Variants in CHIT1 observed in about 807,000 individuals in gnomAD.
CHIT1 encodes the protein chitotriosidase-1.
Under a neutral mutation model 52.0 loss-of-function variants are expected in CHIT1, and 47 were observed. That is an observed-to-expected ratio of 0.90 (90% CI 0.71 to 1.15). The LOEUF (loss-of-function observed/expected upper bound fraction) is 1.15, where lower values mean the gene tolerates loss of function less well. Among genes scored for constraint, CHIT1 ranks in the 50% most tolerant of loss-of-function variants. The pLI, the probability that CHIT1 is intolerant of heterozygous loss-of-function variation, is 0.00. For missense variants in CHIT1, 569 were observed against 583.0 expected (o/e 0.98, Z 0.25); for synonymous variants, 242 against 228.2 (o/e 1.06, Z -0.54).
At chr1:203,218,957 T>A (rs547228113) in intron 9 of CHIT1, among the ~76,000 whole-genome samples, 59 of 152,368 alleles carry the variant, frequency 3.9e-4, no homozygotes, top group African/African-American at 1.4e-3. Context: ...CCTCTTCATA[T>A]GTCTGTAGAA....
intron 2 of CHIT1, among the ~76,000 whole-genome samples, chr1:203,227,457 A>G (rs1297918342): frequency 6.6e-6 from 1 of 152,212 alleles, no homozygotes; most frequent in Non-Finnish European, 1.5e-5. Context: ...CTATGGAGAA[A>G]ATAAAGTGCA....
chr1:203,228,808 C>T (rs1657029836), intron 1 of CHIT1, among the ~76,000 whole-genome samples: 2 of 152,180 alleles, frequency 1.3e-5, no homozygotes, highest in Admixed American at 6.5e-5. Flanking sequence ...CTGAGGCTGC[C>T]CCCTCTCTAT....
At position 203,219,346 on chromosome 1, in the gene CHIT1, CA is replaced by C; in HGVS notation, c.916-18del. 6 of 1,427,052 alleles carry C rather than the reference CA, an allele frequency of 4.2e-6. No individual in the cohort carries two copies. Among genetic ancestry groups the C allele is most frequent in the Non-Finnish European group, 5.9e-6 (6 of 1,009,088 alleles). 88.4% of individuals were successfully genotyped at this position (1,427,052 alleles called of 1,614,324 possible). A position where few individuals can be genotyped will look rare whatever the true frequency, so the allele number is the denominator to read the frequency against. On this transcript the variant is annotated intron_variant, in intron 8 of 10. Transcript: ENST00000367229. ...GGAGCAGACCTGTGGGAGCAGAAGGCAGCACTGGGGAGGAGGAGGGAGGCTC... is the reference window on the plus strand; with the variant it reads ...GGAGCAGACCTGTGGGAGCAGAAGGCGCACTGGGGAGGAGGAGGGAGGCTC...
intron 7 of CHIT1, among the ~76,000 whole-genome samples, chr1:203,220,102 A>T (rs1197391262): frequency 6.6e-6 from 1 of 152,096 alleles, no homozygotes; most frequent in Non-Finnish European, 1.5e-5. Context: ...CACTGAACAA[A>T]TGTGTACTGA....
Position 203,225,726 on chromosome 1 carries a change from C to A in CHIT1, c.200G>T (p.Ser67Ile), listed in dbSNP as rs555489365. The A allele has an allele frequency of 2.1e-4, 334 of 1,614,180 alleles. 1 individual carries two copies. In the South Asian group the frequency reaches 3.4e-3, roughly 17 times the overall value. ...AFAGMTNHQL[S>I]TTEWNDETLY... is the part of the protein sequence containing the mutation. ...AGTCTCGTCATTCCACTCAGTGGTG[C>A]TCAGCTGGTGGTTGGTCATGCCAGC... The change falls in exon 3 of 11, where the codon AGC becomes ATC. Residue 67 changes from serine (S) to isoleucine (I), a missense_variant. Ser to Ile is a moderately radical substitution (Grantham distance 142). Coordinates refer to ENST00000367229, the MANE Select transcript of CHIT1 (RefSeq NM_003465.3).
chr1:203,226,000 A>C lies in CHIT1; in HGVS notation c.56-130T>G. ...CACCTGGAGTCAGTGGAGGGACCCG[A>C]CAGGCAGAAATGGCATTTGCTTTTG... is the stretch of plus-strand genomic sequence containing the variant. On this transcript the variant is annotated intron_variant, in intron 2 of 10. Coordinates refer to ENST00000367229, the MANE Select transcript of CHIT1 (RefSeq NM_003465.3). 6.1e-6 allele frequency: 6 copies of C among 983,704 alleles called. No individual in the cohort carries two copies. The South Asian group carries it at 8.4e-5, about 14-fold the overall frequency. 60.9% of individuals were successfully genotyped at this position (983,704 alleles called of 1,614,324 possible). A position where few individuals can be genotyped will look rare whatever the true frequency, so the allele number is the denominator to read the frequency against.
intron 6 of CHIT1, 115 bp downstream of exon 6, chr1:203,223,020 G>C: frequency 2.9e-6 from 4 of 1,398,144 alleles, no homozygotes; most frequent in African/African-American, 1.4e-5. Context: ...GTAAGGATGG[G>C]ACTTTCCAAA....
rs777287951 is a variant in CHIT1, at chr1:203,223,197, A to C, written c.543T>G (p.Ser181Arg). 3.2e-5 allele frequency: 52 copies of C among 1,614,044 alleles called. 1 individual carries two copies. The highest frequency in any genetic ancestry group is 2.7e-4 in the East Asian group (12 of 44,894). The change falls in exon 6 of 11, where the codon AGT (serine) becomes AGG (arginine). Residue 181 changes from serine (S) to arginine (R), a missense_variant. Physicochemically the swap from Ser to Arg is moderately radical, Grantham distance 110. Transcript: ENST00000367229. ...AGGTCTGCCCAGCTGGAACCGCTGC[A>C]CTCAGAAGAAGGCGTTCCTTCCCTG... The part of the protein sequence containing the change: ...QTSGKERLLL[S>R]AAVPAGQTYV...
chr1:203,217,029 G>A lies in CHIT1; in HGVS notation c.1261C>T (p.Gln421Ter). The A allele has an allele frequency of 6.2e-7, 1 of 1,614,136 alleles. No homozygotes were observed. Among genetic ancestry groups the A allele is most frequent in the Non-Finnish European group, 8.5e-7 (1 of 1,180,048 alleles). The change falls in exon 11 of 11, where the codon CAG becomes TAG. Residue 421 changes from glutamine to a stop codon, truncating the protein, a stop_gained. Transcript: ENST00000367229. LOFTEE classifies it low-confidence loss of function (END_TRUNC). ...GPSPGQDTFC[Q>*]GKADGLYPNP... ...GGATAGAGCCCATCAGCTTTGCCCT[G>A]GCAGAACGTGTCTTGTCCAGGGCTG...
chr1:203,222,768 C>T (rs998569282), intron 6 of CHIT1, among the ~76,000 whole-genome samples: 1 of 152,136 alleles, frequency 6.6e-6, no homozygotes, highest in Non-Finnish European at 1.5e-5. Context: ...ATGAGGGCTG[C>T]GAGTCCACAT....
chr1:203,220,657 A>G (rs575339198), intron 7 of CHIT1, among the ~76,000 whole-genome samples: 1 of 152,254 alleles, frequency 6.6e-6, no homozygotes, highest in South Asian at 2.1e-4. Context: ...AGGTCTAGTT[A>G]CTCTGAGCCC....
At position 203,228,188 on chromosome 1, in the gene CHIT1, C is replaced by G. The variant is rs1011152022; in HGVS notation, c.55+345G>C. Among the ~76,000 whole-genome samples, 15 of 152,268 alleles carry G rather than the reference C, an allele frequency of 9.9e-5. 1 individual carries two copies. The South Asian group carries it at 3.1e-3, about 32-fold the overall frequency. ...GTCTGAGACTGGTGCAGAGAGACAC[C>G]TAAGCCAATAATGAGAGGCAGTACT... On this transcript the variant is annotated intron_variant, in intron 2 of 10. Coordinates refer to ENST00000367229, the MANE Select transcript of CHIT1 (RefSeq NM_003465.3).
intron 6 of CHIT1, 41 bp downstream of exon 6, chr1:203,223,094 C>G: frequency 1.9e-6 from 3 of 1,613,020 alleles, no homozygotes; most frequent in Non-Finnish European, 2.5e-6. Context: ...GCCTCTCTTC[C>G]CTCAGAGAGC....
chr1:203,216,381 C>T lies in CHIT1; in HGVS notation c.*508G>A, dbSNP rs566193532. On this transcript the variant is annotated 3_prime_UTR_variant, in exon 11 of 11. Transcript: ENST00000367229. ...ATCAGGGAAAAGTTCTTCTCTGCTG[C>T]CATCTAGTGGCATTTTGGGAATAAC... The T allele has an allele frequency of 4.4e-6, 2 of 454,026 alleles. No homozygotes were observed. The highest frequency in any genetic ancestry group is 4.0e-5 in the African/African-American group (2 of 50,002). The allele number at this position is 454,026 out of a possible 1,614,324, so 28.1% of individuals were successfully genotyped here.
At chr1:203,225,962 C>T (rs1332877934) in intron 2 of CHIT1, 92 bp from the exon 3 acceptor site, 2 of 1,341,198 alleles carry the variant, frequency 1.5e-6, no homozygotes, top group Admixed American at 1.9e-5. Flanking sequence ...TGTCCTTGGA[C>T]CTCCCTCTTC....
At chr1:203,218,636 C>T (rs1465226014) in intron 9 of CHIT1, among the ~76,000 whole-genome samples, 1 of 152,148 alleles carries the variant, frequency 6.6e-6, no homozygotes, top group Non-Finnish European at 1.5e-5. Flanking sequence ...ATCTGAAATA[C>T]CCTTCCACCG....
rs116602841 is a variant in CHIT1, at chr1:203,218,164, C to T, written c.1030-299G>A. 1,680 of 1,356,050 alleles carry T rather than the reference C, an allele frequency of 1.2e-3. 23 individuals are homozygous for T. In the African/African-American group the frequency reaches 0.022, roughly 18 times the overall value. The allele number at this position is 1,356,050 out of a possible 1,614,324, so 84.0% of individuals were successfully genotyped here. On this transcript the variant is annotated intron_variant, in intron 9 of 10. Coordinates refer to ENST00000367229, the MANE Select transcript of CHIT1 (RefSeq NM_003465.3). The stretch of plus-strand genomic sequence containing the variant: ...ACCTCCCTAAGTGGGAACCCTTCAC[C>T]GCTTGGTCATGTGTGGGCTGAGCTG...
chr1:203,222,690 A>T (rs1280204782), intron 6 of CHIT1, among the ~76,000 whole-genome samples: 6 of 152,272 alleles, frequency 3.9e-5, no homozygotes, highest in African/African-American at 1.2e-4. Flanking sequence ...TCTCACTAAA[A>T]TGAAGGTTCT....
rs748145766 is a variant in CHIT1, at chr1:203,225,698, G to A, written c.228C>T (p.Leu76=). ...LSTTEWNDET[L]YQEFNGLKKM... ...TCTTCAGGCCATTGAACTCCTGGTA[G>A]AGAGTCTCGTCATTCCACTCAGTGG... Residue 76 remains leucine, a synonymous_variant, in exon 3 of 11, where the codon CTC becomes CTT. Transcript: ENST00000367229. 6.2e-7 allele frequency: 1 copy of A among 1,614,052 alleles called. No individual in the cohort carries two copies. Among genetic ancestry groups the A allele is most frequent in the Non-Finnish European group, 8.5e-7 (1 of 1,179,942 alleles).
Sources: allele counts gnomAD v4.1 joint callset (sites outside exome capture counted in the v4.1 genomes callset), GRCh38; gene constraint gnomAD v4.1.1; transcripts MANE v1.5; gene names NCBI Gene and HGNC (gene_info 2026-07-23, HGNC 2026-07-21).